PTPRD: variants seen among roughly 807,000 people sequenced by gnomAD.
The protein encoded by PTPRD is protein tyrosine phosphatase receptor type D, also known as receptor-type tyrosine-protein phosphatase delta.
In PTPRD, 34 loss-of-function variants were observed where a neutral mutation model predicts 214.5. The observed-to-expected ratio is 0.16, with a 90% CI of 0.12 to 0.21. The LOEUF (loss-of-function observed/expected upper bound fraction) is 0.21. Ranked by LOEUF, PTPRD falls within the 10% of genes least tolerant of loss-of-function variation. The probability of loss-of-function intolerance (pLI) is 1.00; values close to 1 mark genes in which losing one functional copy is unlikely to be tolerated. For missense variants in PTPRD, 2,545 were observed against 2,398.7 expected, an observed-to-expected ratio of 1.06 and a Z score of -1.27; for synonymous variants, 1,128 against 845.7, an observed-to-expected ratio of 1.33 and a Z score of -5.79.
chr9:9,736,581 G>T (rs1222649956), intron 6 of PTPRD, among the ~76,000 whole-genome samples: 1 of 151,894 alleles, frequency 6.6e-6, no homozygotes, highest in African/African-American at 2.4e-5. Flanking sequence ...TACGAGAATT[G>T]CCATTGTTGC....
At chr9:9,403,564 T>C (rs1315888318) in intron 8 of PTPRD, among the ~76,000 whole-genome samples, 2 of 151,982 alleles carry the variant, frequency 1.3e-5, no homozygotes, top group African/African-American at 2.4e-5. Context: ...TTCTCTTACA[T>C]TGTAAAAAAT....
chr9:9,901,255 A>T (rs1008126034), intron 5 of PTPRD, among the ~76,000 whole-genome samples: 2 of 152,152 alleles, frequency 1.3e-5, no homozygotes, highest in African/African-American at 4.8e-5. Flanking sequence ...TAAAGTTCTA[A>T]TATGTCATTA....
chr9:8,791,311 C>T (rs1196572283), intron 11 of PTPRD, among the ~76,000 whole-genome samples: 6 of 151,442 alleles, frequency 4.0e-5, no homozygotes, highest in South Asian at 2.1e-4. Flanking sequence ...CTGCAAACTC[C>T]GCCTCCCAGG....
chr9:9,676,354 C>T (rs916486111), intron 7 of PTPRD, among the ~76,000 whole-genome samples: 4 of 148,396 alleles, frequency 2.7e-5, no homozygotes, highest in East Asian at 2.1e-4. Flanking sequence ...TCAATTCCCA[C>T]CTATGAGGGA....
intron 2 of PTPRD, among the ~76,000 whole-genome samples, chr9:10,427,267 G>C (rs1417155086): frequency 6.6e-6 from 1 of 152,022 alleles, no homozygotes; most frequent in African/African-American, 2.4e-5. Flanking sequence ...AAGATGTCTA[G>C]ATATCTTCCA....
Position 8,576,299 on chromosome 9 carries a change from AT to A in PTPRD, c.353-47521del, listed in dbSNP as rs780278645. On this transcript the variant is annotated intron_variant, in intron 14 of 45. Transcript: ENST00000381196. ...TAATACTAAGTTTTGTTTTATGGCC[AT>A]TTTGAACTTCCTGAAATAATTCTGC... Among the ~76,000 whole-genome samples the A allele has an allele frequency of 3.9e-5, 6 of 152,138 alleles. No individual in the cohort carries two copies. The East Asian group carries it at 9.6e-4, about 24-fold the overall frequency.
At chr9:9,595,469 C>CATATGTGT (rs2093250232) in intron 7 of PTPRD, among the ~76,000 whole-genome samples, 1 of 150,054 alleles carries the variant, frequency 6.7e-6, no homozygotes, top group African/African-American at 2.5e-5. Context: ...CGCATATGTA[C>CATATGTGT]ACATGCATAC....
rs528927211 is a variant in PTPRD at position 9,347,354 on chromosome 9, G to C, written c.-203+50095C>G. ...TATATATCTATATATCTATATGCATGCATACATATAAGTGTTTATCCTACA... is the reference window on the plus strand; with the variant it reads ...TATATATCTATATATCTATATGCATCCATACATATAAGTGTTTATCCTACA... On this transcript the variant is annotated intron_variant, in intron 9 of 45. Transcript: ENST00000381196. Among the ~76,000 whole-genome samples the C allele has an allele frequency of 9.4e-4, 141 of 150,318 alleles. 1 individual carries two copies. The highest frequency in any genetic ancestry group is 3.6e-3 in the Middle Eastern group (1 of 278).
intron 11 of PTPRD, chr9:8,861,492 T>G (rs2098105262): frequency 6.6e-6 from 1 of 152,206 alleles, no homozygotes. Context: ...ATTAAAAGTT[T>G]GGAAGCACTG....
chr9:8,547,674 T>G (rs991332069), intron 14 of PTPRD, among the ~76,000 whole-genome samples: 1 of 151,588 alleles, frequency 6.6e-6, no homozygotes, highest in Non-Finnish European at 1.5e-5. Flanking sequence ...GAGTGACTAT[T>G]ATTTCTATTT....
chr9:9,526,650 A>G (rs1259377078), intron 8 of PTPRD, among the ~76,000 whole-genome samples: 2 of 152,180 alleles, frequency 1.3e-5, no homozygotes, highest in Non-Finnish European at 2.9e-5. Flanking sequence ...TAAAGATCTG[A>G]TGATGGGATC....
chr9:8,812,054 C>T (rs531329913), intron 11 of PTPRD, among the ~76,000 whole-genome samples: 1 of 152,218 alleles, frequency 6.6e-6, no homozygotes, highest in East Asian at 1.9e-4. Flanking sequence ...GATACTTGAA[C>T]ATAAATAGCA....
At chr9:10,455,352 G>C (rs2098902661) in intron 2 of PTPRD, among the ~76,000 whole-genome samples, 1 of 151,478 alleles carries the variant, frequency 6.6e-6, no homozygotes, top group African/African-American at 2.4e-5. Flanking sequence ...TCTAATTTCA[G>C]TGTTTTAGTT....
chr9:9,126,215 G>C (rs1244183896), intron 10 of PTPRD, among the ~76,000 whole-genome samples: 1 of 152,136 alleles, frequency 6.6e-6, no homozygotes, highest in Non-Finnish European at 1.5e-5. Context: ...ATAATGTCTT[G>C]GTCAGTGATG....
At chr9:8,352,471 C>A (rs1046676712) in intron 39 of PTPRD, among the ~76,000 whole-genome samples, 1 of 152,130 alleles carries the variant, frequency 6.6e-6, no homozygotes, top group African/African-American at 2.4e-5. Context: ...TAGAGTGATA[C>A]AAAATTGCCC....
chr9:9,202,798 T>C (rs2099942645), intron 9 of PTPRD, among the ~76,000 whole-genome samples: 1 of 152,234 alleles, frequency 6.6e-6, no homozygotes, highest in Non-Finnish European at 1.5e-5. Flanking sequence ...ATAGCCACTT[T>C]GCTCTTGATC....
At chr9:10,540,289 G>C (rs991416868) in intron 2 of PTPRD, among the ~76,000 whole-genome samples, 1 of 152,106 alleles carries the variant, frequency 6.6e-6, no homozygotes, top group Non-Finnish European at 1.5e-5. Flanking sequence ...CGGCCTCCCA[G>C]AGTGCTGGGA....
At chr9:10,288,213 A>G (rs1335208397) in intron 3 of PTPRD, among the ~76,000 whole-genome samples, 3 of 151,968 alleles carry the variant, frequency 2.0e-5, no homozygotes, top group Non-Finnish European at 4.4e-5. Context: ...AATCCTCTTA[A>G]GAATGGAAAA....
intron 9 of PTPRD, among the ~76,000 whole-genome samples, chr9:9,313,883 C>A (rs986373113): frequency 5.3e-5 from 8 of 152,080 alleles, no homozygotes; most frequent in African/African-American, 1.9e-4. Flanking sequence ...GTGTTGATTT[C>A]TTTACATATT....
Sources: allele counts gnomAD v4.1 joint callset (sites outside exome capture counted in the v4.1 genomes callset), GRCh38; gene constraint gnomAD v4.1.1; transcripts MANE v1.5; gene names NCBI Gene and HGNC (gene_info 2026-07-23, HGNC 2026-07-21).